The following DACT1 variants were observed in gnomAD, a reference collection of about 807,000 sequenced individuals.
DACT1 encodes the protein dishevelled binding antagonist of beta catenin 1.
Under a neutral mutation model 35.3 loss-of-function variants are expected in DACT1, and 19 were observed. That is an observed-to-expected ratio of 0.54 (90% CI 0.38 to 0.79). The LOEUF (loss-of-function observed/expected upper bound fraction) is 0.79, where lower values mean the gene tolerates loss of function less well. DACT1 is among the 30% of genes least tolerant of loss of function. DACT1 has a pLI of 0.00. For synonymous variants in DACT1, 545 were observed against 466.7 expected (o/e 1.17, Z -2.16); for missense variants, 1,143 against 1,057.5 (o/e 1.08, Z -1.12).
chr14:58,636,534 T>G (rs1253644422), upstream of DACT1, among the ~76,000 whole-genome samples: 1 of 152,030 alleles, frequency 6.6e-6, no homozygotes, highest in Non-Finnish European at 1.5e-5. Flanking sequence ...ACAGGTAGCA[T>G]GGGATCAGAA....
chr14:58,640,682 T>C (rs2047617854), intron 1 of DACT1, 54 bp from the exon 2 acceptor site: 2 of 1,604,284 alleles, frequency 1.2e-6, no homozygotes, highest in Non-Finnish European at 1.7e-6. Flanking sequence ...GTAGACTTTC[T>C]GGTTCTTTTG....
Position 58,638,320 on chromosome 14 carries a change from G to C in DACT1, c.118G>C (p.Glu40Gln). 7.5e-7 allele frequency: 1 copy of C among 1,325,220 alleles called. No homozygotes were observed. The highest frequency in any genetic ancestry group is 1.5e-5 in the African/African-American group (1 of 64,976). 82.1% of individuals were successfully genotyped at this position (1,325,220 alleles called of 1,614,324 possible). The change falls in exon 1 of 4, where the codon GAG (glutamate) becomes CAG (glutamine). Residue 40 changes from glutamate (E) to glutamine (Q), a missense_variant. By Grantham distance (29) the Glu-to-Gln change is conservative (BLOSUM62 2). Coordinates refer to ENST00000395153, the MANE Select transcript of DACT1 (RefSeq NM_001079520.2). ...RWREKGEADT[E>Q]RQRTRERQEA... ...GCGGGAGAAGGGCGAGGCAGACACCGAGCGGCAGCGCACCCGGGAGCGGCA... is the reference window on the plus strand; with the variant it reads ...GCGGGAGAAGGGCGAGGCAGACACCCAGCGGCAGCGCACCCGGGAGCGGCA...
chr14:58,643,310 T>C (rs1163658614), intron 3 of DACT1, among the ~76,000 whole-genome samples: 1 of 152,204 alleles, frequency 6.6e-6, no homozygotes, highest in Non-Finnish European at 1.5e-5. Context: ...TGTGAATTCT[T>C]ATAAGAGTAG....
chr14:58,643,742 A>T (rs754463250), intron 3 of DACT1, among the ~76,000 whole-genome samples: 1 of 152,160 alleles, frequency 6.6e-6, no homozygotes, highest in Non-Finnish European at 1.5e-5. Context: ...GTTCAACTCT[A>T]AAGAGGGAAA....
intron 1 of DACT1, among the ~76,000 whole-genome samples, chr14:58,639,970 CAA>C (rs1345303459): frequency 6.6e-6 from 1 of 152,222 alleles, no homozygotes; most frequent in Non-Finnish European, 1.5e-5. Context: ...AGCAGTATGT[CAA>C]GAGAATTCCA....
Position 58,645,407 on chromosome 14 carries a change from A to G in DACT1, c.673A>G (p.Asn225Asp), listed in dbSNP as rs2047663666. 3 of 1,614,188 alleles carry G rather than the reference A, an allele frequency of 1.9e-6. No homozygotes were observed. The highest frequency in any genetic ancestry group is 2.5e-6 in the Non-Finnish European group (3 of 1,180,040). The stretch of plus-strand genomic sequence containing the variant: ...GTACCAGTGTGATCTGGTGTCTAAA[A>G]ACGGGAATGATGTATATCGCTATCC... Reference protein sequence around the residue: ...PKYQCDLVSKNGNDVYRYPSP... With the variant: ...PKYQCDLVSKDGNDVYRYPSP... Residue 225 changes from asparagine (N) to aspartate (D), a missense_variant, in exon 4 of 4, where the codon AAC becomes GAC. Asn to Asp is a conservative substitution (Grantham distance 23). Transcript: ENST00000395153.
At chr14:58,642,551 G>C (rs970116968) in intron 3 of DACT1, among the ~76,000 whole-genome samples, 1 of 151,648 alleles carries the variant, frequency 6.6e-6, no homozygotes, top group African/African-American at 2.4e-5. Context: ...AAAATCGGCC[G>C]GGTGTGGCAG....
chr14:58,641,513 A>T lies in DACT1; in HGVS notation c.479-79A>T, dbSNP rs138731030. 6.8e-5 allele frequency: 99 copies of T among 1,465,528 alleles called. No individual in the cohort carries two copies. The African/African-American group carries it at 1.3e-3, about 19-fold the overall frequency. The allele number at this position is 1,465,528 out of a possible 1,614,324, so 90.8% of individuals were successfully genotyped here. On this transcript the variant is annotated intron_variant, in intron 2 of 3. Transcript: ENST00000395153. ...ACAAAAAATCTCCTTTTCCTAAATG[A>T]TTATTCATTTTCCTGTTAAGCGTGA...
At position 58,645,605 on chromosome 14, in the gene DACT1, T is replaced by C. The variant is rs1424376096; in HGVS notation, c.871T>C (p.Ser291Pro). 1 of 1,614,156 alleles carries C rather than the reference T, an allele frequency of 6.2e-7. No homozygotes were observed. The highest frequency in any genetic ancestry group is 2.2e-5 in the East Asian group (1 of 44,872). Reference protein sequence around the residue: ...SSLPSPSSLWSASHPSSSKKM... With the variant: ...SSLPSPSSLWPASHPSSSKKM... ...CTTACCGTCCCCAAGCAGTCTGTGG[T>C]CTGCTTCCCATCCTTCATCCAGCAA... The change falls in exon 4 of 4, where the codon TCT (serine) becomes CCT (proline). Residue 291 changes from serine (S) to proline (P), a missense_variant. Transcript: ENST00000395153.
In DACT1 at chr14:58,647,258, A is replaced by C. The variant is rs2047702162; in HGVS notation, c.*124A>C. 3.5e-6 allele frequency: 4 copies of C among 1,155,264 alleles called. No individual in the cohort carries two copies. The highest frequency in any genetic ancestry group is 4.9e-6 in the Non-Finnish European group (4 of 813,214). 71.6% of individuals were successfully genotyped at this position (1,155,264 alleles called of 1,614,324 possible). On this transcript the variant is annotated 3_prime_UTR_variant, in exon 4 of 4. Coordinates refer to ENST00000395153, the MANE Select transcript of DACT1 (RefSeq NM_001079520.2). ...TGGAATGCTTTTTAAAAAAATATAA[A>C]ACCAAGGTAAATTATTGTTTCATCT... is the stretch of plus-strand genomic sequence containing the variant.
upstream of DACT1, among the ~76,000 whole-genome samples, chr14:58,636,541 A>C (rs2047573636): frequency 1.3e-5 from 2 of 152,180 alleles, no homozygotes; most frequent in African/African-American, 4.8e-5. Context: ...GCATGGGATC[A>C]GAATCAGATA....
chr14:58,643,883 G>T (rs2047649476), intron 3 of DACT1, among the ~76,000 whole-genome samples: 1 of 151,656 alleles, frequency 6.6e-6, no homozygotes, highest in Non-Finnish European at 1.5e-5. Flanking sequence ...GCTCTTTATT[G>T]GGGGGGGTCA....
chr14:58,637,884 C>G (rs1203855168), upstream of DACT1, among the ~76,000 whole-genome samples: 5 of 149,914 alleles, frequency 3.3e-5, no homozygotes, highest in Admixed American at 1.3e-4. Flanking sequence ...GCGTCGCAGC[C>G]GAGGGGCCGG....
At position 58,641,653 on chromosome 14, in the gene DACT1, C is replaced by G. The variant is rs775719546; in HGVS notation, c.540C>G (p.Phe180Leu). ...GSLSNSSNSV[F>L]SECLSSCHSS... The stretch of plus-strand genomic sequence containing the variant: ...TTTCCAATTCCTCTAACTCGGTGTT[C>G]AGTGAGTGTTTATCCAGTTGTCATT... The change falls in exon 3 of 4, where the codon TTC becomes TTG. Residue 180 changes from phenylalanine to leucine, a missense_variant. This residue lies in a region of DACT1 where 1,054 missense variants were observed against 958.8 expected (regional missense o/e 1.10). Transcript: ENST00000395153. 2 of 1,614,084 alleles carry G rather than the reference C, an allele frequency of 1.2e-6. No individual in the cohort carries two copies. Among genetic ancestry groups the G allele is most frequent in the East Asian group, 4.5e-5 (2 of 44,896 alleles).
chr14:58,646,451 A>C lies in DACT1; in HGVS notation c.1717A>C (p.Lys573Gln). Residue 573 changes from lysine (K) to glutamine (Q), a missense_variant, in exon 4 of 4, where the codon AAG becomes CAG. Lys to Gln is a moderately conservative substitution (Grantham distance 53, BLOSUM62 1). Around this residue, in one of 3 missense-constraint regions of DACT1, gnomAD observed 1,054 missense variants for 958.8 expected, o/e 1.10. Transcript: ENST00000395153. ...CAGGGAGAAAACGCGGGCCGGGAGC[A>C]AGAAGTGTCGCTTCCCAGATGACTT... ...TVREKTRAGS[K>Q]KCRFPDDLDT... 6.3e-7 allele frequency: 1 copy of C among 1,583,458 alleles called. No individual in the cohort carries two copies. The highest frequency in any genetic ancestry group is 8.6e-7 in the Non-Finnish European group (1 of 1,167,848).
chr14:58,647,035 C>G lies in DACT1; in HGVS notation c.2301C>G (p.His767Gln), dbSNP rs755312596. Residue 767 changes from histidine to glutamine, a missense_variant, in exon 4 of 4, where the codon CAC becomes CAG. By Grantham distance (24) the His-to-Gln change is conservative. Around this residue, in one of 3 missense-constraint regions of DACT1, gnomAD observed 1,054 missense variants for 958.8 expected, o/e 1.10. Coordinates refer to ENST00000395153, the MANE Select transcript of DACT1 (RefSeq NM_001079520.2). Reference protein sequence around the residue: ...QTVTAPDLHNHPAKTFVKIKA... With the variant: ...QTVTAPDLHNQPAKTFVKIKA... ...TAACGGCCCCAGACCTTCACAACCA[C>G]CCCGCAAAAACCTTTGTCAAAATTA... 6.2e-7 allele frequency: 1 copy of G among 1,614,182 alleles called. No individual in the cohort carries two copies. The highest frequency in any genetic ancestry group is 2.2e-5 in the East Asian group (1 of 44,876).
rs2047705034 is a variant in DACT1, at chr14:58,647,477, A to G, written c.*343A>G. 1 of 299,082 alleles carries G rather than the reference A, an allele frequency of 3.3e-6. No individual in the cohort carries two copies. Among genetic ancestry groups the G allele is most frequent in the Non-Finnish European group, 6.5e-6 (1 of 153,416 alleles). 18.5% of individuals were successfully genotyped at this position (299,082 alleles called of 1,614,324 possible). A position where few individuals can be genotyped will look rare whatever the true frequency, so the allele number is the denominator to read the frequency against. On this transcript the variant is annotated 3_prime_UTR_variant, in exon 4 of 4. Transcript: ENST00000395153. The stretch of plus-strand genomic sequence containing the variant: ...ATTGGGATAAGATCTTTTGATCCCA[A>G]GGTCAGGTGGATGGAATTTTTGGAT...
upstream of DACT1, among the ~76,000 whole-genome samples, chr14:58,635,268 CAA>C (rs142661701): frequency 6.7e-3 from 1,026 of 152,250 alleles, 6 homozygotes; most frequent in Non-Finnish European, 0.011. Flanking sequence ...GCAACAAAAA[CAA>C]AGAATCAAAG....
intron 1 of DACT1, among the ~76,000 whole-genome samples, chr14:58,639,966 A>G (rs2047611842): frequency 6.6e-6 from 1 of 152,278 alleles, no homozygotes; most frequent in Admixed American, 6.5e-5. Flanking sequence ...GCAAAGCAGT[A>G]TGTCAAGAGA....
Sources: gnomAD v4.1 joint callset for allele counts (sites outside exome capture counted in the v4.1 genomes callset) on GRCh38, gnomAD v4.1.1 for gene constraint, gnomAD v4.1.1 regional missense constraint, MANE v1.5 for transcripts, NCBI Gene and HGNC (gene_info 2026-07-23, HGNC 2026-07-21) for gene names.